The following ACSM3 variants were observed in gnomAD, a reference collection of about 807,000 sequenced individuals.
ACSM3 encodes acyl-coenzyme A synthetase ACSM3, mitochondrial.
ACSM3 carries 61 observed loss-of-function variants against 74.1 expected under a neutral mutation model. The ratio of observed to expected loss-of-function variants is 0.82; its 90% CI spans 0.67 to 1.02. ACSM3 has a LOEUF of 1.02. Ranked by LOEUF, ACSM3 falls within the 50% of genes least tolerant of loss-of-function variation. ACSM3 has a pLI of 0.00. For synonymous variants in ACSM3, 213 were observed against 241.5 expected, an observed-to-expected ratio of 0.88 and a Z score of 1.09; for missense variants, 660 against 697.0, an observed-to-expected ratio of 0.95 and a Z score of 0.60.
At chr16:20,695,391 T>C (rs1252839877) in intron 1 of ACSM3, among the ~76,000 whole-genome samples, 1 of 152,208 alleles carries the variant, frequency 6.6e-6, no homozygotes, top group Non-Finnish European at 1.5e-5. Context: ...GAGCTGTTGC[T>C]AGTTAACACA....
chr16:20,752,434 A>G (rs931619714), intron 2 of ACSM3, among the ~76,000 whole-genome samples: 2 of 152,208 alleles, frequency 1.3e-5, no homozygotes, highest in African/African-American at 4.8e-5. Context: ...GTCTCATGAT[A>G]AAAGAAAACA....
chr16:20,763,656 A>G (rs556708469), upstream of ACSM3: 2 of 152,330 alleles, frequency 1.3e-5, no homozygotes, highest in Admixed American at 6.5e-5. Context: ...AAACGCACCA[A>G]TGGGCTTGAT....
chr16:20,714,523 G>C (rs1428606434), intron 1 of ACSM3, among the ~76,000 whole-genome samples: 1 of 152,130 alleles, frequency 6.6e-6, no homozygotes, highest in Non-Finnish European at 1.5e-5. Context: ...ATCTAGGAAA[G>C]AAATGACAAA....
chr16:20,797,387 A>G lies in ACSM3; in HGVS notation c.*415A>G. Reference sequence around the variant, plus strand: ...ATAAAAGTTTTTAGAAAAATATAAAATATCAGTTAGAAGATTATGATAATC... The same window carrying G: ...ATAAAAGTTTTTAGAAAAATATAAAGTATCAGTTAGAAGATTATGATAATC... On this transcript the variant is annotated 3_prime_UTR_variant, in exon 14 of 14. Coordinates refer to ENST00000289416, the MANE Select transcript of ACSM3 (RefSeq NM_005622.4). The G allele has an allele frequency of 8.1e-6, 8 of 986,166 alleles. No individual in the cohort carries two copies. Among genetic ancestry groups the G allele is most frequent in the Non-Finnish European group, 9.7e-6 (8 of 824,838 alleles). 61.1% of individuals were successfully genotyped at this position (986,166 alleles called of 1,614,324 possible).
chr16:20,729,399 G>A, intron 1 of ACSM3: 2 of 1,144,328 alleles, frequency 1.7e-6, no homozygotes, highest in East Asian at 2.4e-5. Flanking sequence ...GATTGACAGG[G>A]GGGGAGCTCT....
intron 1 of ACSM3, among the ~76,000 whole-genome samples, chr16:20,730,811 AACG>A (rs777138072): frequency 1.3e-5 from 2 of 151,902 alleles, no homozygotes; most frequent in Non-Finnish European, 2.9e-5. Context: ...TGAGGCAAAA[AACG>A]ACCTTATAGA....
intron 9 of ACSM3, chr16:20,789,677 T>A: frequency 5.0e-6 from 3 of 605,174 alleles, no homozygotes; most frequent in South Asian, 2.1e-5. Flanking sequence ...AAAGCAACTC[T>A]ATTTTTCTTT....
At chr16:20,772,545 G>A (rs1443565441) in intron 2 of ACSM3, among the ~76,000 whole-genome samples, 2 of 152,114 alleles carry the variant, frequency 1.3e-5, no homozygotes. Context: ...TATATGGTGA[G>A]AGAGAGGGCT....
At chr16:20,709,182 G>T (rs1291212778) in intron 1 of ACSM3, among the ~76,000 whole-genome samples, 1 of 152,188 alleles carries the variant, frequency 6.6e-6, no homozygotes, top group African/African-American at 2.4e-5. Flanking sequence ...AACCCAGGAG[G>T]CGGAGCTTAC....
upstream of ACSM3, among the ~76,000 whole-genome samples, chr16:20,761,720 A>G (rs117957165): frequency 2.0e-5 from 3 of 152,302 alleles, no homozygotes; most frequent in East Asian, 5.8e-4. Flanking sequence ...GTCTCCTAAG[A>G]GATAGAAAAC....
intron 1 of ACSM3, among the ~76,000 whole-genome samples, chr16:20,687,419 AT>A (rs2079573415): frequency 6.6e-6 from 1 of 152,148 alleles, no homozygotes; most frequent in African/African-American, 2.4e-5. Flanking sequence ...GGAAAGATAA[AT>A]GCTAGAAAAG....
chr16:20,739,701 A>T (rs1306572487), intron 1 of ACSM3, among the ~76,000 whole-genome samples: 1 of 151,844 alleles, frequency 6.6e-6, no homozygotes, highest in Non-Finnish European at 1.5e-5. Context: ...GACGCCTGTA[A>T]TCCCAGCTAC....
intron 1 of ACSM3, among the ~76,000 whole-genome samples, chr16:20,697,070 C>T (rs1489395419): frequency 1.3e-5 from 2 of 152,016 alleles, no homozygotes; most frequent in African/African-American, 4.8e-5. Flanking sequence ...CTGAAGCCAA[C>T]CCCCTCCCCA....
At chr16:20,746,568 T>C (rs2079958824) in intron 1 of ACSM3, among the ~76,000 whole-genome samples, 1 of 152,236 alleles carries the variant, frequency 6.6e-6, no homozygotes. Flanking sequence ...TCACATTTGA[T>C]TGAATGACAT....
At chr16:20,693,789 A>G (rs1357233118) in intron 1 of ACSM3, among the ~76,000 whole-genome samples, 2 of 152,254 alleles carry the variant, frequency 1.3e-5, no homozygotes, top group African/African-American at 4.8e-5. Context: ...AACCTAGGCC[A>G]ACATCCCAGG....
chr16:20,742,629 G>A lies in ACSM3; in HGVS notation c.-189-7281G>A, dbSNP rs868135973. Among the ~76,000 whole-genome samples, 249 of 138,406 alleles carry A rather than the reference G, an allele frequency of 1.8e-3. 3 individuals carry two copies. Among genetic ancestry groups the A allele is most frequent in the East Asian group, 4.1e-4 (2 of 4,900 alleles). The allele number at this position is 138,406 out of a possible 152,430, so 90.8% of individuals were successfully genotyped here. On this transcript the variant is annotated intron_variant, in intron 1 of 3. Transcript: ENST00000561584. ...TTGCACTCCAGCCTGGCAACAAAGC[G>A]AGGCTCTGTCTCAAAAAAAAAAAAA... is the stretch of plus-strand genomic sequence containing the variant.
chr16:20,711,565 G>A, intron 1 of ACSM3: 1 of 1,412,720 alleles, frequency 7.1e-7, no homozygotes, highest in Non-Finnish European at 9.8e-7. Flanking sequence ...TGTGGCCAGT[G>A]AGGAGGTGGT....
chr16:20,677,302 G>GT (rs2020348006), intron 1 of ACSM3, among the ~76,000 whole-genome samples: 1 of 151,514 alleles, frequency 6.6e-6, no homozygotes. Flanking sequence ...TTATCTTCTT[G>GT]TATGCCCATA....
intron 1 of ACSM3, among the ~76,000 whole-genome samples, chr16:20,678,682 A>T (rs1596934935): frequency 6.6e-6 from 1 of 152,270 alleles, no homozygotes; most frequent in East Asian, 1.9e-4. Context: ...TGGCTGAAAT[A>T]GTTCAGGACT....
Sources: gnomAD v4.1 joint callset for allele counts (sites outside exome capture counted in the v4.1 genomes callset) on GRCh38, gnomAD v4.1.1 for gene constraint, MANE v1.5 for transcripts, NCBI Gene and HGNC (gene_info 2026-07-23, HGNC 2026-07-21) for gene names.